WWOX: variants seen among roughly 807,000 people sequenced by gnomAD.
WWOX encodes the protein WW domain-containing oxidoreductase.
In WWOX, 69 loss-of-function variants were observed where a neutral mutation model predicts 46.2. The observed-to-expected ratio is 1.49, with a 90% CI of 1.23 to 1.82. The LOEUF (loss-of-function observed/expected upper bound fraction) is 1.82, where lower values mean the gene tolerates loss of function less well. Among genes scored for constraint, WWOX ranks in the 40% most tolerant of loss-of-function variants. The pLI is 0.00. For missense variants in WWOX, 919 were observed against 542.6 expected (o/e 1.69, Z -6.89); for synonymous variants, 359 against 202.6 (o/e 1.77, Z -6.56).
chr16:79,031,114 G>C (rs1262489188), intron 8 of WWOX, among the ~76,000 whole-genome samples: 2 of 146,550 alleles, frequency 1.4e-5, no homozygotes, highest in Non-Finnish European at 3.0e-5. Flanking sequence ...AAAAAATCCA[G>C]TAGGAAACTA....
chr16:78,923,954 C>G (rs1263244889), intron 8 of WWOX, among the ~76,000 whole-genome samples: 2 of 151,942 alleles, frequency 1.3e-5, no homozygotes, highest in African/African-American at 4.8e-5. Context: ...TGCCCGCCAC[C>G]ACGCCTGGCT....
intron 5 of WWOX, among the ~76,000 whole-genome samples, chr16:78,379,749 G>A (rs1332505845): frequency 6.6e-6 from 1 of 152,128 alleles, no homozygotes; most frequent in African/African-American, 2.4e-5. Flanking sequence ...TAATTCCTAG[G>A]CAATCTGCAA....
At chr16:78,810,048 G>C (rs150827338) in intron 8 of WWOX, among the ~76,000 whole-genome samples, 209 of 152,294 alleles carry the variant, frequency 1.4e-3, no homozygotes, top group African/African-American at 4.7e-3. Flanking sequence ...CCATTTTTAT[G>C]CTTCCTGGTA....
chr16:79,094,542 G>A (rs905014079), intron 8 of WWOX, among the ~76,000 whole-genome samples: 62 of 152,206 alleles, frequency 4.1e-4, no homozygotes, highest in African/African-American at 1.4e-3. Flanking sequence ...GTGAGCCACC[G>A]CACCAGGCCA....
chr16:78,736,704 C>A (rs1040493598), intron 8 of WWOX, among the ~76,000 whole-genome samples: 1 of 152,066 alleles, frequency 6.6e-6, no homozygotes, highest in African/African-American at 2.4e-5. Context: ...CTGAAGTGAT[C>A]CTCCCACCTC....
chr16:78,313,071 T>G (rs1423555997), intron 5 of WWOX, among the ~76,000 whole-genome samples: 1 of 152,202 alleles, frequency 6.6e-6, no homozygotes, highest in African/African-American at 2.4e-5. Context: ...TTACTTCTTT[T>G]TCAACATCTG....
At chr16:79,048,225 C>A (rs2048101782) in intron 8 of WWOX, among the ~76,000 whole-genome samples, 1 of 152,172 alleles carries the variant, frequency 6.6e-6, no homozygotes, top group South Asian at 2.1e-4. Flanking sequence ...GGGAGCTGAC[C>A]TGTGTAGAGC....
At chr16:78,353,918 C>T (rs533018480) in intron 5 of WWOX, among the ~76,000 whole-genome samples, 18 of 152,350 alleles carry the variant, frequency 1.2e-4, no homozygotes, top group African/African-American at 4.1e-4. Context: ...TTCTTCTGTT[C>T]TCTTTATTTC....
chr16:78,774,219 G>A (rs2050132326), intron 8 of WWOX, among the ~76,000 whole-genome samples: 1 of 152,104 alleles, frequency 6.6e-6, no homozygotes, highest in Admixed American at 6.6e-5. Flanking sequence ...TGGCCAACAT[G>A]GTGAAACCCT....
intron 5 of WWOX, among the ~76,000 whole-genome samples, chr16:78,248,729 C>T (rs1397332158): frequency 1.3e-5 from 2 of 151,636 alleles, no homozygotes; most frequent in African/African-American, 2.4e-5. Flanking sequence ...GAGCGAGACC[C>T]CATTTCAAAA....
intron 8 of WWOX, among the ~76,000 whole-genome samples, chr16:79,023,709 C>T (rs1055591641): frequency 1.3e-5 from 2 of 151,656 alleles, no homozygotes; most frequent in Admixed American, 1.3e-4. Flanking sequence ...CACCTGAGGT[C>T]TCAGAAGTTC....
intron 8 of WWOX, among the ~76,000 whole-genome samples, chr16:78,991,508 G>C (rs1315641208): frequency 6.6e-6 from 1 of 151,512 alleles, no homozygotes; most frequent in African/African-American, 2.4e-5. Context: ...GGCTGAGATG[G>C]GAAGATGGCT....
chr16:78,258,674 C>T (rs956263586), intron 5 of WWOX, among the ~76,000 whole-genome samples: 7 of 116,416 alleles, frequency 6.0e-5, no homozygotes, highest in South Asian at 2.9e-4. Context: ...TGTGTTCGTT[C>T]GACAGTTAAA....
intron 6 of WWOX, among the ~76,000 whole-genome samples, chr16:78,420,126 C>G (rs988499354): frequency 1.3e-4 from 20 of 152,058 alleles, no homozygotes; most frequent in African/African-American, 3.6e-4. Flanking sequence ...CAAATACTTA[C>G]AAACACATGG....
intron 8 of WWOX, among the ~76,000 whole-genome samples, chr16:78,454,356 TCGTG>T (rs778807522): frequency 5.5e-4 from 6 of 10,944 alleles, no homozygotes; most frequent in East Asian, 2.1e-3. Flanking sequence ...TTATGTATAT[TCGTG>T]TGTGTGTGTG....
chr16:78,463,793 A>G (rs1597120935), intron 8 of WWOX, among the ~76,000 whole-genome samples: 1 of 152,310 alleles, frequency 6.6e-6, no homozygotes, highest in African/African-American at 2.4e-5. Flanking sequence ...ATGATCAAGT[A>G]AAGAGTTTAA....
At chr16:78,953,383 G>A (rs1050141191) in intron 8 of WWOX, among the ~76,000 whole-genome samples, 5 of 152,188 alleles carry the variant, frequency 3.3e-5, no homozygotes, top group Admixed American at 2.0e-4. Flanking sequence ...GCAAATGGAT[G>A]CTGCTAATTG....
intron 1 of WWOX, among the ~76,000 whole-genome samples, chr16:78,104,042 C>G (rs2031975673): frequency 6.6e-6 from 1 of 152,040 alleles, no homozygotes; most frequent in Admixed American, 6.6e-5. Context: ...TCAGAGCAGC[C>G]CCTTCATGGG....
chr16:78,281,723 T>TC (rs897081146), intron 5 of WWOX, among the ~76,000 whole-genome samples: 5 of 151,902 alleles, frequency 3.3e-5, no homozygotes, highest in South Asian at 2.1e-4. Flanking sequence ...TATTATTCTT[T>TC]CCCCCCCGCC....
Sources: gnomAD v4.1 joint callset for allele counts (sites outside exome capture counted in the v4.1 genomes callset) on GRCh38, gnomAD v4.1.1 for gene constraint, MANE v1.5 for transcripts, NCBI Gene and HGNC (gene_info 2026-07-23, HGNC 2026-07-21) for gene names.